The following DPP6 variants were observed in gnomAD, a reference collection of about 807,000 sequenced individuals.
DPP6 encodes the protein A-type potassium channel modulatory protein DPP6.
A neutral mutation model predicts 122.6 loss-of-function variants in DPP6; 69 were observed. That is an observed-to-expected ratio of 0.56 (90% CI 0.46 to 0.69). The LOEUF (loss-of-function observed/expected upper bound fraction) is 0.69. Among genes scored for constraint, DPP6 ranks in the 30% least tolerant of loss-of-function variants. The pLI is 0.00. For synonymous variants in DPP6, 418 were observed against 433.1 expected (o/e 0.97, Z 0.43); for missense variants, 928 against 1,116.9 (o/e 0.83, Z 2.41).
chr7:154,717,645 A>G (rs1841565639), intron 7 of DPP6, among the ~76,000 whole-genome samples: 1 of 152,158 alleles, frequency 6.6e-6, no homozygotes. Context: ...TCATTCATCC[A>G]TCGATGGACA....
chr7:154,352,170 C>T (rs1810914848), intron 1 of DPP6, among the ~76,000 whole-genome samples: 1 of 152,050 alleles, frequency 6.6e-6, no homozygotes, highest in Non-Finnish European at 1.5e-5. Flanking sequence ...CCTCCTTAAA[C>T]ATTAAAGACA....
intron 1 of DPP6, among the ~76,000 whole-genome samples, chr7:153,999,718 G>A (rs1006532450): frequency 6.6e-6 from 1 of 152,168 alleles, no homozygotes; most frequent in African/African-American, 2.4e-5. Flanking sequence ...CAGCATTTTG[G>A]GAGACCAAGG....
the DPP6 span, among the ~76,000 whole-genome samples, chr7:153,804,613 A>G: frequency 4.9e-4 from 74 of 152,182 alleles, no homozygotes; most frequent in African/African-American, 1.7e-3. Context: ...AAAAACTTAC[A>G]GCTGGACCCA....
At chr7:153,825,260 C>T in the DPP6 span, among the ~76,000 whole-genome samples, 2 of 152,102 alleles carry the variant, frequency 1.3e-5, no homozygotes, top group Admixed American at 6.5e-5. Flanking sequence ...GTCCTGTTCT[C>T]TCATCTTGGA....
At chr7:153,959,690 A>G (rs1795248186) in intron 1 of DPP6, among the ~76,000 whole-genome samples, 1 of 152,364 alleles carries the variant, frequency 6.6e-6, no homozygotes, top group East Asian at 1.9e-4. Context: ...GCTTTGTCTT[A>G]AGGGAATGTG....
the DPP6 span, among the ~76,000 whole-genome samples, chr7:153,813,342 C>A: frequency 6.6e-6 from 1 of 152,108 alleles, no homozygotes; most frequent in Non-Finnish European, 1.5e-5. Flanking sequence ...CATGTCCCTA[C>A]AAAGGACATG....
At chr7:153,794,735 T>G in the DPP6 span, among the ~76,000 whole-genome samples, 1 of 152,168 alleles carries the variant, frequency 6.6e-6, no homozygotes, top group Admixed American at 6.5e-5. Context: ...ATTGTATCTC[T>G]CAGAATTTCC....
intron 6 of DPP6, among the ~76,000 whole-genome samples, chr7:154,643,787 G>T (rs1836268401): frequency 6.6e-6 from 1 of 152,170 alleles, no homozygotes; most frequent in Non-Finnish European, 1.5e-5. Flanking sequence ...CAAAGAAGGA[G>T]GGGAGGGTTG....
At chr7:154,867,502 C>T (rs1803987068) in intron 17 of DPP6, among the ~76,000 whole-genome samples, 1 of 152,208 alleles carries the variant, frequency 6.6e-6, no homozygotes. Context: ...CTCCAGAGAC[C>T]AGCTTATCTT....
chr7:154,733,142 C>G (rs1842415400), intron 8 of DPP6, among the ~76,000 whole-genome samples: 1 of 152,250 alleles, frequency 6.6e-6, no homozygotes, highest in South Asian at 2.1e-4. Context: ...CTGTCCCACA[C>G]TAACTGCCAC....
At chr7:154,345,245 G>A (rs926506041) in intron 1 of DPP6, among the ~76,000 whole-genome samples, 1 of 152,014 alleles carries the variant, frequency 6.6e-6, no homozygotes, top group African/African-American at 2.4e-5. Flanking sequence ...GTCTCTTCTC[G>A]CAAAAGCACT....
At chr7:154,593,139 A>G (rs6597414) in intron 5 of DPP6, among the ~76,000 whole-genome samples, 152,136 of 152,296 alleles carry the variant, frequency 1, 75,991 homozygotes, top group Non-Finnish European at 1. Flanking sequence ...GAGGGCACCT[A>G]ACAGGTGTTC....
intron 3 of DPP6, chr7:154,475,570 A>G: frequency 6.3e-6 from 1 of 157,666 alleles, no homozygotes; most frequent in Non-Finnish European, 1.4e-5. Flanking sequence ...GATTAAATCT[A>G]CTTTCCTTGT....
At chr7:153,823,435 C>T in the DPP6 span, among the ~76,000 whole-genome samples, 1 of 145,594 alleles carries the variant, frequency 6.9e-6, no homozygotes, top group Non-Finnish European at 1.5e-5. Context: ...GAGCTCTAAG[C>T]GGGGGGATGA....
At chr7:153,759,652 C>G in the DPP6 span, among the ~76,000 whole-genome samples, 3 of 151,920 alleles carry the variant, frequency 2.0e-5, no homozygotes, top group Non-Finnish European at 4.4e-5. Flanking sequence ...TTTGAAGATG[C>G]TTGCAATGTG....
intron 1 of DPP6, among the ~76,000 whole-genome samples, chr7:154,321,514 C>A (rs1006475638): frequency 6.6e-6 from 1 of 151,662 alleles, no homozygotes; most frequent in Non-Finnish European, 1.5e-5. Flanking sequence ...CAGGCGCGGT[C>A]GCTCACGTCT....
chr7:153,914,734 G>A (rs532121320), intron 1 of DPP6, among the ~76,000 whole-genome samples: 3 of 152,284 alleles, frequency 2.0e-5, no homozygotes, highest in East Asian at 1.9e-4. Context: ...AGACATCAGC[G>A]TTCGGAGAGA....
At chr7:154,246,692 C>T (rs1802005027) in intron 1 of DPP6, among the ~76,000 whole-genome samples, 1 of 152,112 alleles carries the variant, frequency 6.6e-6, no homozygotes. Context: ...GACAAATAAT[C>T]AACGGAACTC....
chr7:154,028,293 C>G (rs1178905758), intron 1 of DPP6, among the ~76,000 whole-genome samples: 4 of 151,990 alleles, frequency 2.6e-5, no homozygotes, highest in Non-Finnish European at 5.9e-5. Flanking sequence ...CATCACTTTC[C>G]TTGTCTGGCC....
Sources: allele counts gnomAD v4.1 joint callset (sites outside exome capture counted in the v4.1 genomes callset), GRCh38; gene constraint gnomAD v4.1.1; transcripts MANE v1.5; gene names NCBI Gene and HGNC (gene_info 2026-07-23, HGNC 2026-07-21).